The following PDE1C variants were observed in gnomAD, a reference collection of about 807,000 sequenced individuals.
The protein encoded by PDE1C is dual specificity calcium/calmodulin-dependent 3',5'-cyclic nucleotide phosphodiesterase 1C.
Under a neutral mutation model 93.1 loss-of-function variants are expected in PDE1C, and 62 were observed. The ratio of observed to expected loss-of-function variants is 0.67; its 90% CI spans 0.54 to 0.82. PDE1C has a LOEUF of 0.82. Ranked by LOEUF, PDE1C falls within the 40% of genes least tolerant of loss-of-function variation. PDE1C has a pLI of 0.00. For missense variants in PDE1C, 742 were observed against 884.6 expected, an observed-to-expected ratio of 0.84 and a Z score of 2.04; for synonymous variants, 325 against 310.1, an observed-to-expected ratio of 1.05 and a Z score of -0.50.
intron 2 of PDE1C, among the ~76,000 whole-genome samples, chr7:31,958,642 G>A (rs1455826866): frequency 6.6e-6 from 1 of 152,074 alleles, no homozygotes. Flanking sequence ...CAGGAAATCT[G>A]CAAAATAATT....
intron 2 of PDE1C, among the ~76,000 whole-genome samples, chr7:32,206,306 T>G (rs1202935901): frequency 3.9e-5 from 6 of 152,114 alleles, no homozygotes; most frequent in African/African-American, 7.2e-5. Context: ...GGGGCCAGTT[T>G]ATGCAGTCTT....
the PDE1C span, chr7:31,651,353 A>G: frequency 1.4e-6 from 2 of 1,453,250 alleles, no homozygotes; most frequent in Non-Finnish European, 1.8e-6. Context: ...ACAGAGGAGC[A>G]CCCTGGAGCA....
chr7:31,884,225 A>T (rs563511272), intron 2 of PDE1C, among the ~76,000 whole-genome samples: 2 of 152,274 alleles, frequency 1.3e-5, no homozygotes, highest in African/African-American at 2.4e-5. Context: ...AAATTCATGA[A>T]GAGATGCAGC....
rs79094397 is a variant in PDE1C at position 31,953,542 on chromosome 7, T to C, written c.129-72682A>G. Among the ~76,000 whole-genome samples the C allele has an allele frequency of 6.5e-3, 991 of 152,294 alleles. 8 individuals carry two copies. Among genetic ancestry groups the C allele is most frequent in the Non-Finnish European group, 0.011 (719 of 68,018 alleles). On this transcript the variant is annotated intron_variant, in intron 2 of 17. Coordinates refer to ENST00000396191, the MANE Select transcript of PDE1C (RefSeq NM_001191057.4). ...ACACCTTCGCTAGGAAGACTCTGCT[T>C]GCTGGATTTCCTCTATAAAATCAGA...
intron 2 of PDE1C, among the ~76,000 whole-genome samples, chr7:31,898,044 G>A (rs933893209): frequency 6.6e-6 from 1 of 150,902 alleles, no homozygotes; most frequent in Non-Finnish European, 1.5e-5. Context: ...GTGTGTGTGT[G>A]TGTGTGTGTG....
chr7:32,135,705 G>T (rs923377003), intron 3 of PDE1C, among the ~76,000 whole-genome samples: 1 of 152,068 alleles, frequency 6.6e-6, no homozygotes, highest in Non-Finnish European at 1.5e-5. Flanking sequence ...CAGTATAGAG[G>T]TTCCTCAAAA....
At chr7:31,722,960 G>A in the PDE1C span, among the ~76,000 whole-genome samples, 2 of 151,948 alleles carry the variant, frequency 1.3e-5, no homozygotes, top group East Asian at 1.9e-4. Context: ...CTTTTCTTGT[G>A]TCTTCTGGAA....
At chr7:31,708,233 G>A in the PDE1C span, 1 of 152,192 alleles carries the variant, frequency 6.6e-6, no homozygotes. Flanking sequence ...GGATGCCCAG[G>A]GGAAGGCATA....
At position 31,943,901 on chromosome 7, in the gene PDE1C, T is replaced by C. The variant is rs552316754; in HGVS notation, c.129-63041A>G. On this transcript the variant is annotated intron_variant, in intron 2 of 17. Coordinates refer to ENST00000396191, the MANE Select transcript of PDE1C (RefSeq NM_001191057.4). ...TTTCTTAAACATATTAATAGCTAGATGTTAAAAAATAAAGAATCTCATCAG... is the reference window on the plus strand; with the variant it reads ...TTTCTTAAACATATTAATAGCTAGACGTTAAAAAATAAAGAATCTCATCAG... Among the ~76,000 whole-genome samples the C allele has an allele frequency of 5.9e-5, 9 of 152,236 alleles. No individual in the cohort carries two copies. The South Asian group carries it at 1.7e-3, about 28-fold the overall frequency.
chr7:32,419,284 A>G (rs957067996), intron 1 of PDE1C, among the ~76,000 whole-genome samples: 2 of 152,186 alleles, frequency 1.3e-5, no homozygotes, highest in African/African-American at 4.8e-5. Context: ...CAAGTTAACA[A>G]TTTCCTAGTA....
intron 2 of PDE1C, among the ~76,000 whole-genome samples, chr7:32,024,025 T>C (rs1272500091): frequency 6.6e-6 from 1 of 152,154 alleles, no homozygotes; most frequent in African/African-American, 2.4e-5. Context: ...CATTTCCCCA[T>C]ACATTTCTTT....
intron 2 of PDE1C, among the ~76,000 whole-genome samples, chr7:31,983,632 T>A (rs1000668680): frequency 6.6e-6 from 1 of 152,120 alleles, no homozygotes; most frequent in Non-Finnish European, 1.5e-5. Flanking sequence ...AATAATAATT[T>A]TTTTTAAAAA....
rs187372755 is a variant in PDE1C at position 31,944,093 on chromosome 7, C to T, written c.129-63233G>A. ...TGGCCCAAGACCAACAGCCTCCCCT[C>T]GACTAAAATGAACTCCTTTTCACCT... On this transcript the variant is annotated intron_variant, in intron 2 of 17. Coordinates refer to ENST00000396191, the MANE Select transcript of PDE1C (RefSeq NM_001191057.4). Among the ~76,000 whole-genome samples, 517 of 152,178 alleles carry T rather than the reference C, an allele frequency of 3.4e-3. 4 individuals are homozygous for T. Among genetic ancestry groups the T allele is most frequent in the African/African-American group, 8.9e-3 (368 of 41,538 alleles).
chr7:31,677,961 A>G, the PDE1C span, among the ~76,000 whole-genome samples: 1 of 152,160 alleles, frequency 6.6e-6, no homozygotes, highest in Non-Finnish European at 1.5e-5. Context: ...TCAATATGTA[A>G]AAAGTAATAG....
At chr7:32,313,142 C>T (rs879796208) in intron 1 of PDE1C, among the ~76,000 whole-genome samples, 8 of 152,058 alleles carry the variant, frequency 5.3e-5, no homozygotes, top group Admixed American at 5.2e-4. Flanking sequence ...AGCCAAAAAA[C>T]ACATGAAAAA....
chr7:32,128,674 T>C (rs188560126), intron 3 of PDE1C, among the ~76,000 whole-genome samples: 1 of 151,576 alleles, frequency 6.6e-6, no homozygotes, highest in African/African-American at 2.4e-5. Context: ...TCTCATAAAC[T>C]ACTAGTAACA....
chr7:32,046,304 C>T (rs1298126244), intron 2 of PDE1C, among the ~76,000 whole-genome samples: 2 of 151,920 alleles, frequency 1.3e-5, no homozygotes, highest in Non-Finnish European at 2.9e-5. Context: ...AGATTCTGGG[C>T]TATCCTATTA....
chr7:31,747,882 G>A (rs980070927), downstream of PDE1C, among the ~76,000 whole-genome samples: 1 of 148,912 alleles, frequency 6.7e-6, no homozygotes, highest in Non-Finnish European at 1.5e-5. Flanking sequence ...ATCAGTCTTG[G>A]GTTCTACAAC....
intron 16 of PDE1C, among the ~76,000 whole-genome samples, chr7:31,777,158 A>C (rs1783048775): frequency 6.6e-6 from 1 of 152,006 alleles, no homozygotes; most frequent in Non-Finnish European, 1.5e-5. Flanking sequence ...AAAAGAAAGA[A>C]ACAATTAGTA....
Sources: gnomAD v4.1 joint callset for allele counts (sites outside exome capture counted in the v4.1 genomes callset) on GRCh38, gnomAD v4.1.1 for gene constraint, MANE v1.5 for transcripts, NCBI Gene and HGNC (gene_info 2026-07-23, HGNC 2026-07-21) for gene names.